ANAPC10: variants seen among roughly 807,000 people sequenced by gnomAD.
The protein encoded by ANAPC10 is anaphase-promoting complex subunit 10.
ANAPC10 carries 12 observed loss-of-function variants against 22.0 expected under a neutral mutation model. The ratio of observed to expected loss-of-function variants is 0.55; its 90% confidence interval spans 0.35 to 0.88. The LOEUF (loss-of-function observed/expected upper bound fraction) is 0.88. ANAPC10 is among the 40% of genes least tolerant of loss of function. ANAPC10 has a pLI of 0.01. For missense variants in ANAPC10, 188 were observed against 220.9 expected, an observed-to-expected ratio of 0.85 and a Z score of 0.94; for synonymous variants, 65 against 69.5, an observed-to-expected ratio of 0.94 and a Z score of 0.32.
chr4:145,051,581 A>G (rs1741108151), intron 4 of ANAPC10, among the ~76,000 whole-genome samples: 4 of 152,190 alleles, frequency 2.6e-5, no homozygotes, highest in African/African-American at 9.7e-5. Flanking sequence ...AAAATGAGGT[A>G]GGCCTGTATA....
At chr4:145,097,508 C>A (rs145333524) in intron 1 of ANAPC10, 1 of 1,287,228 alleles carries the variant, frequency 7.8e-7, no homozygotes, top group Non-Finnish European at 1.0e-6. Context: ...TTCCTTGACA[C>A]CTCCCATTGT....
chr4:145,000,918 A>G (rs940344118), intron 4 of ANAPC10, among the ~76,000 whole-genome samples: 49 of 152,256 alleles, frequency 3.2e-4, no homozygotes, highest in African/African-American at 1.2e-3. Context: ...GCTGGAAACC[A>G]TCATTCTAAG....
At chr4:145,093,979 C>T (rs1367653673) in intron 2 of ANAPC10, among the ~76,000 whole-genome samples, 1 of 152,072 alleles carries the variant, frequency 6.6e-6, no homozygotes, top group East Asian at 1.9e-4. Context: ...AGTCATATAC[C>T]ATCAGTTTTG....
chr4:145,061,502 C>T (rs977890130), intron 4 of ANAPC10, among the ~76,000 whole-genome samples: 3 of 151,958 alleles, frequency 2.0e-5, no homozygotes, highest in African/African-American at 7.3e-5. Context: ...AAATAGGCTA[C>T]GAAACTAGAA....
intron 2 of ANAPC10, among the ~76,000 whole-genome samples, chr4:145,087,688 A>C (rs1747094552): frequency 6.6e-6 from 1 of 152,194 alleles, no homozygotes; most frequent in African/African-American, 2.4e-5. Flanking sequence ...TGGTGCACTA[A>C]GTTCTAATGG....
chr4:144,995,623 C>T lies in ANAPC10; in HGVS notation c.328-20G>A. 1.3e-6 allele frequency: 2 copies of T among 1,507,560 alleles called. No homozygotes were observed. The highest frequency in any genetic ancestry group is 3.5e-4 in the Middle Eastern group (2 of 5,780). The allele number at this position is 1,507,560 out of a possible 1,614,324, so 93.4% of individuals were successfully genotyped here. A position where few individuals can be genotyped will look rare whatever the true frequency, so the allele number is the denominator to read the frequency against. On this transcript the variant is annotated intron_variant, in intron 4 of 4. Coordinates refer to ENST00000507656, the MANE Select transcript of ANAPC10 (RefSeq NM_001256706.2). ...AAGTTGCTGCCAAGGGAAAAAAAATCAGATTATGCTTTTATTCAACAAATA... is the reference window on the plus strand; with the variant it reads ...AAGTTGCTGCCAAGGGAAAAAAAATTAGATTATGCTTTTATTCAACAAATA...
rs181579184 is a variant in ANAPC10 at position 145,039,061 on chromosome 4, A to G, written c.327+25511T>C. Among the ~76,000 whole-genome samples the G allele has an allele frequency of 1.1e-3, 73 of 66,556 alleles. 2 individuals are homozygous for G. Among genetic ancestry groups the G allele is most frequent in the Admixed American group, 1.3e-3 (8 of 6,284 alleles). The allele number at this position is 66,556 out of a possible 152,430, so 43.7% of individuals were successfully genotyped here. ...AAAAAGGCTAACTAAGGCAAAACCT[A>G]TAAGAAGCAGGCAACAAATTCAACA... On this transcript the variant is annotated intron_variant, in intron 4 of 4. Transcript: ENST00000507656.
At chr4:145,031,616 T>A (rs1031464633) in intron 4 of ANAPC10, among the ~76,000 whole-genome samples, 4 of 152,294 alleles carry the variant, frequency 2.6e-5, no homozygotes, top group Admixed American at 1.3e-4. Context: ...CTGCAACAGG[T>A]CCAGGCTGCT....
At chr4:145,029,710 G>A (rs774267019) in intron 4 of ANAPC10, among the ~76,000 whole-genome samples, 1 of 151,984 alleles carries the variant, frequency 6.6e-6, no homozygotes, top group Non-Finnish European at 1.5e-5. Context: ...TGTGAGAGAG[G>A]TGGAAATACC....
At chr4:145,001,717 C>T (rs532416807) in intron 4 of ANAPC10, among the ~76,000 whole-genome samples, 1 of 152,098 alleles carries the variant, frequency 6.6e-6, no homozygotes, top group Non-Finnish European at 1.5e-5. Context: ...TGGTATGAAA[C>T]CTACAGTGGT....
intron 4 of ANAPC10, among the ~76,000 whole-genome samples, chr4:145,005,270 T>C (rs1057322635): frequency 6.6e-6 from 1 of 152,108 alleles, no homozygotes; most frequent in Non-Finnish European, 1.5e-5. Context: ...GAGGGGTTCA[T>C]AATAGTCTCT....
chr4:145,008,205 A>G (rs912332728), intron 4 of ANAPC10, among the ~76,000 whole-genome samples: 1 of 152,224 alleles, frequency 6.6e-6, no homozygotes, highest in Non-Finnish European at 1.5e-5. Context: ...TAGCTTACCA[A>G]CCAAAACAAG....
At chr4:145,060,472 G>A (rs2126431495) in intron 4 of ANAPC10, among the ~76,000 whole-genome samples, 1 of 151,906 alleles carries the variant, frequency 6.6e-6, no homozygotes, top group East Asian at 1.9e-4. Context: ...GCTAAATAAG[G>A]CAGCTATATG....
intron 4 of ANAPC10, among the ~76,000 whole-genome samples, chr4:145,060,554 T>C (rs1290784315): frequency 6.6e-6 from 1 of 151,800 alleles, no homozygotes; most frequent in Non-Finnish European, 1.5e-5. Flanking sequence ...GCATCTCAAG[T>C]AAACAAATTC....
At chr4:145,005,182 C>G (rs954703154) in intron 4 of ANAPC10, among the ~76,000 whole-genome samples, 2 of 152,106 alleles carry the variant, frequency 1.3e-5, no homozygotes, top group Non-Finnish European at 2.9e-5. Context: ...TCCTGTGTAG[C>G]TGGGATTACA....
chr4:145,005,741 G>A lies in ANAPC10; in HGVS notation c.328-10138C>T, dbSNP rs188011744. ...ACCCAGAAGTCACTCGAAGCAGGCTGTTTCATTTCCATGTAATTGCATGGT... is the reference window on the plus strand; with the variant it reads ...ACCCAGAAGTCACTCGAAGCAGGCTATTTCATTTCCATGTAATTGCATGGT... On this transcript the variant is annotated intron_variant, in intron 4 of 4. Transcript: ENST00000507656. Among the ~76,000 whole-genome samples the A allele has an allele frequency of 3.3e-5, 5 of 152,170 alleles. No homozygotes were observed. In the East Asian group the frequency reaches 9.7e-4, roughly 29 times the overall value.
At chr4:145,032,862 T>C (rs1217175329) in intron 4 of ANAPC10, among the ~76,000 whole-genome samples, 3 of 152,218 alleles carry the variant, frequency 2.0e-5, no homozygotes, top group Non-Finnish European at 4.4e-5. Flanking sequence ...TTCACTGGAA[T>C]AGACACTTAC....
At chr4:145,052,517 A>C (rs1007827856) in intron 4 of ANAPC10, among the ~76,000 whole-genome samples, 23 of 152,322 alleles carry the variant, frequency 1.5e-4, no homozygotes, top group African/African-American at 5.5e-4. Context: ...ACAATAAAAT[A>C]GTATTTTTGT....
intron 4 of ANAPC10, among the ~76,000 whole-genome samples, chr4:145,025,217 G>C (rs753873095): frequency 6.6e-6 from 1 of 152,072 alleles, no homozygotes; most frequent in African/African-American, 2.4e-5. Flanking sequence ...TAGCAATAAG[G>C]CTGTTTTGCT....
Sources: gnomAD v4.1 joint callset for allele counts (sites outside exome capture counted in the v4.1 genomes callset) on GRCh38, gnomAD v4.1.1 for gene constraint, MANE v1.5 for transcripts, NCBI Gene and HGNC (gene_info 2026-07-23, HGNC 2026-07-21) for gene names.